CYP2C19: variants seen among roughly 807,000 people sequenced by gnomAD.
CYP2C19 encodes cytochrome P450 family 2 subfamily C member 19, also known as cytochrome P450 2C19.
In CYP2C19, 59 loss-of-function variants were observed where a neutral mutation model predicts 40.9. The observed-to-expected ratio is 1.44, with a 90% CI of 1.17 to 1.79. CYP2C19 has a LOEUF of 1.79. CYP2C19 is among the 40% of genes most tolerant of loss of function. CYP2C19 has a pLI of 0.00. For synonymous variants in CYP2C19, 253 were observed against 208.7 expected, an observed-to-expected ratio of 1.21 and a Z score of -1.83; for missense variants, 754 against 596.9, an observed-to-expected ratio of 1.26 and a Z score of -2.74.
At chr10:94,793,538 G>C (rs1848640105) in intron 5 of CYP2C19, among the ~76,000 whole-genome samples, 1 of 152,142 alleles carries the variant, frequency 6.6e-6, no homozygotes, top group South Asian at 2.1e-4. Flanking sequence ...ATGGTGTTTT[G>C]GTCTGGGTTT....
In CYP2C19 at chr10:94,838,604, G is replaced by A. The variant is rs148319235; in HGVS notation, c.962-4233G>A. Reference sequence around the variant, plus strand: ...AATCAGGGAATATTGGCACTCTTTGGTTCATTATTTACCCCTTTATCTATC... The same window carrying A: ...AATCAGGGAATATTGGCACTCTTTGATTCATTATTTACCCCTTTATCTATC... On this transcript the variant is annotated intron_variant, in intron 6 of 8. Transcript: ENST00000371321. Among the ~76,000 whole-genome samples, 630 of 152,120 alleles carry A rather than the reference G, an allele frequency of 4.1e-3. 7 individuals carry two copies. Among genetic ancestry groups the A allele is most frequent in the African/African-American group, 0.015 (602 of 41,496 alleles).
chr10:94,797,217 G>T (rs1019319091), intron 5 of CYP2C19, among the ~76,000 whole-genome samples: 1 of 151,896 alleles, frequency 6.6e-6, no homozygotes, highest in African/African-American at 2.4e-5. Context: ...ATTGAATTTT[G>T]TTGAAGGCCT....
intron 1 of CYP2C19, chr10:94,774,213 G>T (rs1848373984): frequency 6.6e-6 from 1 of 152,128 alleles, no homozygotes; most frequent in East Asian, 1.9e-4. Flanking sequence ...TAGGGATGAG[G>T]TTAGTCCATG....
chr10:94,767,566 C>T (rs906475870), intron 1 of CYP2C19, among the ~76,000 whole-genome samples: 2 of 152,140 alleles, frequency 1.3e-5, no homozygotes, highest in African/African-American at 4.8e-5. Flanking sequence ...GTGACCTATT[C>T]TTTGTTCCCC....
chr10:94,815,258 T>C (rs1320912515), intron 5 of CYP2C19, among the ~76,000 whole-genome samples: 1 of 152,052 alleles, frequency 6.6e-6, no homozygotes. Context: ...GAGAGGACTG[T>C]CTTTGTCTAC....
At chr10:94,768,051 T>C (rs559648944) in intron 1 of CYP2C19, among the ~76,000 whole-genome samples, 1 of 152,340 alleles carries the variant, frequency 6.6e-6, no homozygotes, top group Non-Finnish European at 1.5e-5. Context: ...GTTTTTGCAC[T>C]GAGTGCAATA....
In CYP2C19 at chr10:94,848,449, G is replaced by C. The variant is rs568393388; in HGVS notation, c.1150-1468G>C. Among the ~76,000 whole-genome samples, 5 of 152,156 alleles carry C rather than the reference G, an allele frequency of 3.3e-5. No homozygotes were observed. In the South Asian group the frequency reaches 8.3e-4, roughly 25 times the overall value. On this transcript the variant is annotated intron_variant, in intron 7 of 8. Transcript: ENST00000371321. ...TCCATTGGTCTACATCTCTGTTTTG[G>C]TACCAGTACCATGCTGTTTTGGTTA... is the stretch of plus-strand genomic sequence containing the variant.
chr10:94,789,819 C>T (rs959070435), intron 5 of CYP2C19, among the ~76,000 whole-genome samples: 4 of 152,108 alleles, frequency 2.6e-5, no homozygotes, highest in Non-Finnish European at 4.4e-5. Flanking sequence ...ATTGTCTTGG[C>T]TATACTGGCT....
intron 3 of CYP2C19, among the ~76,000 whole-genome samples, chr10:94,778,968 A>G (rs1191239010): frequency 1.3e-5 from 2 of 152,174 alleles, no homozygotes; most frequent in African/African-American, 4.8e-5. Context: ...TTGCAGGGAC[A>G]TGGATGAAGC....
intron 6 of CYP2C19, among the ~76,000 whole-genome samples, chr10:94,841,553 G>C (rs947418539): frequency 3.3e-5 from 5 of 152,144 alleles, no homozygotes; most frequent in Admixed American, 2.6e-4. Context: ...ATTTGCTCTT[G>C]CTTATCTAAT....
At chr10:94,844,301 C>G (rs1381126915) in intron 7 of CYP2C19, among the ~76,000 whole-genome samples, 1 of 152,152 alleles carries the variant, frequency 6.6e-6, no homozygotes, top group Non-Finnish European at 1.5e-5. Context: ...AAGATTCATT[C>G]CTCTCCCATC....
At chr10:94,823,589 CA>C (rs1849163477) in intron 6 of CYP2C19, among the ~76,000 whole-genome samples, 1 of 152,078 alleles carries the variant, frequency 6.6e-6, no homozygotes, top group African/African-American at 2.4e-5. Context: ...CTCTGCTAGA[CA>C]CAGGGTCATG....
intron 1 of CYP2C19, among the ~76,000 whole-genome samples, chr10:94,772,784 T>TC (rs1848352420): frequency 6.6e-6 from 1 of 151,358 alleles, no homozygotes; most frequent in African/African-American, 2.5e-5. Flanking sequence ...ATTGGTCACT[T>TC]TTTGTTTTGA....
At chr10:94,849,848 G>T in intron 7 of CYP2C19, 69 bp from the exon 8 acceptor site, 1 of 1,572,948 alleles carries the variant, frequency 6.4e-7, no homozygotes, top group South Asian at 1.1e-5. Context: ...TTAACTGCAT[G>T]ATTACCACTG....
In CYP2C19 at chr10:94,806,686, G is replaced by A. The variant is rs148389996; in HGVS notation, c.820-13810G>A. Among the ~76,000 whole-genome samples, 1,061 of 147,206 alleles carry A rather than the reference G, an allele frequency of 7.2e-3. 4 individuals carry two copies. Among genetic ancestry groups the A allele is most frequent in the African/African-American group, 0.012 (493 of 40,570 alleles). ...ATAGTAAAAAATATATTATAAATAC[G>A]TTACCATAAATTTATATTATATAAC... On this transcript the variant is annotated intron_variant, in intron 5 of 8. Transcript: ENST00000371321.
At chr10:94,829,483 C>T (rs1029496142) in intron 6 of CYP2C19, among the ~76,000 whole-genome samples, 9 of 152,176 alleles carry the variant, frequency 5.9e-5, no homozygotes, top group East Asian at 5.8e-4. Context: ...ACGTAGTTCT[C>T]GAGCCTTGGT....
chr10:94,798,532 G>T (rs1331232521), intron 5 of CYP2C19, among the ~76,000 whole-genome samples: 2 of 152,030 alleles, frequency 1.3e-5, no homozygotes, highest in Non-Finnish European at 2.9e-5. Context: ...CTGAGTTCAA[G>T]ATCTGGATAT....
intron 1 of CYP2C19, chr10:94,774,017 T>A (rs1434565756): frequency 2.0e-5 from 3 of 152,188 alleles, no homozygotes; most frequent in Admixed American, 2.0e-4. Flanking sequence ...GGTACATTTT[T>A]ACAGAGTGCT....
At chr10:94,791,671 C>T (rs980953752) in intron 5 of CYP2C19, among the ~76,000 whole-genome samples, 1 of 152,048 alleles carries the variant, frequency 6.6e-6, no homozygotes, top group Non-Finnish European at 1.5e-5. Flanking sequence ...TGTAGTTGAG[C>T]AGTTTTGAGT....
Sources: allele counts gnomAD v4.1 joint callset (sites outside exome capture counted in the v4.1 genomes callset), GRCh38; gene constraint gnomAD v4.1.1; transcripts MANE v1.5; gene names NCBI Gene and HGNC (gene_info 2026-07-23, HGNC 2026-07-21).